The following IL1RAPL1 variants were observed in gnomAD, a reference collection of about 807,000 sequenced individuals.
The protein encoded by IL1RAPL1 is interleukin 1 receptor accessory protein like 1.
IL1RAPL1 carries 3 observed loss-of-function variants against 48.4 expected under a neutral mutation model. That is an observed-to-expected ratio of 0.06 (90% confidence interval 0.03 to 0.16). The LOEUF is 0.16. Ranked by LOEUF, IL1RAPL1 falls within the 10% of genes least tolerant of loss-of-function variation. The pLI is 1.00. For synonymous variants in IL1RAPL1, 185 were observed against 187.7 expected (o/e 0.99, Z 0.12); for missense variants, 349 against 530.6 (o/e 0.66, Z 3.36).
At chrX:29,823,509 A>G (rs994468754) in intron 6 of IL1RAPL1, among the ~76,000 whole-genome samples, 1 of 112,219 alleles carries the variant, frequency 8.9e-6, no homozygotes, top group Non-Finnish European at 1.9e-5. Context: ...AGACTAGACT[A>G]TTCACTTTGC....
intron 2 of IL1RAPL1, among the ~76,000 whole-genome samples, chrX:29,092,691 TA>T (rs892973843): frequency 2.7e-5 from 3 of 111,959 alleles, no homozygotes; most frequent in East Asian, 2.8e-4. Context: ...TCTTCAGGAT[TA>T]AAAAAATATA....
chrX:29,909,985 T>C (rs1932732875), intron 6 of IL1RAPL1, among the ~76,000 whole-genome samples: 1 of 111,374 alleles, frequency 9.0e-6, no homozygotes, highest in African/African-American at 3.3e-5. Flanking sequence ...CTATTCACAA[T>C]AGCAGACATG....
At chrX:29,800,555 C>T (rs1261858992) in intron 6 of IL1RAPL1, among the ~76,000 whole-genome samples, 1 of 110,148 alleles carries the variant, frequency 9.1e-6, no homozygotes, top group Non-Finnish European at 1.9e-5. Flanking sequence ...TATATATATG[C>T]AGAAAAGCAA....
intron 6 of IL1RAPL1, among the ~76,000 whole-genome samples, chrX:29,746,601 AG>A (rs1452879762): frequency 1.8e-5 from 2 of 111,207 alleles, no homozygotes; most frequent in African/African-American, 6.5e-5. Flanking sequence ...TGCAGGAAAA[AG>A]CTCATTCTTT....
chrX:28,748,531 C>T (rs1205953696), intron 1 of IL1RAPL1, among the ~76,000 whole-genome samples: 2 of 111,538 alleles, frequency 1.8e-5, no homozygotes, highest in African/African-American at 6.5e-5. Context: ...ATGGAACAAA[C>T]CTTTTCACAA....
At chrX:29,143,039 C>T (rs763631303) in intron 2 of IL1RAPL1, among the ~76,000 whole-genome samples, 1 of 110,832 alleles carries the variant, frequency 9.0e-6, no homozygotes, top group South Asian at 3.8e-4. Flanking sequence ...AGAAGAACTC[C>T]AATCTCTGGA....
At chrX:29,529,115 A>T (rs774762419) in intron 5 of IL1RAPL1, among the ~76,000 whole-genome samples, 1 of 111,537 alleles carries the variant, frequency 9.0e-6, no homozygotes, top group East Asian at 2.8e-4. Context: ...CTGTAGTTTT[A>T]AAAAAATTTC....
At chrX:28,613,599 T>G (rs765407207) in intron 1 of IL1RAPL1, among the ~76,000 whole-genome samples, 168 of 112,495 alleles carry the variant, frequency 1.5e-3, no homozygotes, top group Non-Finnish European at 1.7e-3. Flanking sequence ...AGCTCTGTAC[T>G]GAAGAGCCTT....
intron 5 of IL1RAPL1, among the ~76,000 whole-genome samples, chrX:29,639,743 T>C (rs1925107895): frequency 9.0e-6 from 1 of 110,803 alleles, no homozygotes; most frequent in South Asian, 3.9e-4. Flanking sequence ...CCACAGGGAC[T>C]GGCTGGTCAG....
At chrX:28,628,873 G>C (rs1375828791) in intron 1 of IL1RAPL1, among the ~76,000 whole-genome samples, 2 of 111,817 alleles carry the variant, frequency 1.8e-5, no homozygotes, top group Non-Finnish European at 3.8e-5. Context: ...TGATTAAGTT[G>C]CAGTTTAGCC....
intron 2 of IL1RAPL1, among the ~76,000 whole-genome samples, chrX:28,856,982 A>G (rs1008046684): frequency 2.7e-5 from 3 of 112,311 alleles, no homozygotes; most frequent in Non-Finnish European, 5.6e-5. Context: ...TATGAATGCA[A>G]AAGAAAAGTG....
chrX:29,271,729 T>G (rs1246099938), intron 2 of IL1RAPL1, among the ~76,000 whole-genome samples: 1 of 111,932 alleles, frequency 8.9e-6, no homozygotes, highest in African/African-American at 3.2e-5. Flanking sequence ...TTTTGCTTGT[T>G]AATTTGTTTA....
intron 5 of IL1RAPL1, among the ~76,000 whole-genome samples, chrX:29,495,598 A>G (rs571752552): frequency 1.8e-5 from 2 of 111,475 alleles, no homozygotes; most frequent in South Asian, 3.8e-4. Context: ...TGTGTTAGCG[A>G]TAAGGTGTGG....
At chrX:28,789,073 A>G (rs914454325) in intron 1 of IL1RAPL1, among the ~76,000 whole-genome samples, 1 of 111,943 alleles carries the variant, frequency 8.9e-6, no homozygotes, top group Non-Finnish European at 1.9e-5. Flanking sequence ...CAAAACCTCA[A>G]GTGAACATAA....
At chrX:29,809,530 G>A (rs972207631) in intron 6 of IL1RAPL1, among the ~76,000 whole-genome samples, 4 of 111,364 alleles carry the variant, frequency 3.6e-5, no homozygotes, top group African/African-American at 1.3e-4. Context: ...ATGTAAGTAC[G>A]TAGGAGACTT....
chrX:29,788,607 G>A (rs1929558532), intron 6 of IL1RAPL1, among the ~76,000 whole-genome samples: 1 of 111,803 alleles, frequency 8.9e-6, no homozygotes, highest in Non-Finnish European at 1.9e-5. Flanking sequence ...CCAAGTCAGT[G>A]TCATCCATCA....
intron 3 of IL1RAPL1, among the ~76,000 whole-genome samples, chrX:29,317,466 A>C (rs1023371051): frequency 8.9e-6 from 1 of 112,183 alleles, no homozygotes; most frequent in Admixed American, 9.5e-5. Flanking sequence ...AAATATTTTT[A>C]CACATAATGG....
At chrX:29,023,537 A>G (rs1057278597) in intron 2 of IL1RAPL1, among the ~76,000 whole-genome samples, 9 of 112,334 alleles carry the variant, frequency 8.0e-5, no homozygotes, top group East Asian at 5.6e-4. Context: ...ATTCAACTCT[A>G]TTTTTTCCCT....
chrX:29,468,506 G>A (rs1217739932), intron 5 of IL1RAPL1, among the ~76,000 whole-genome samples: 4 of 110,707 alleles, frequency 3.6e-5, no homozygotes, highest in African/African-American at 1.3e-4. Flanking sequence ...ATTACAGTAT[G>A]TTTTAGGGAA....
Sources: gnomAD v4.1 joint callset for allele counts (sites outside exome capture counted in the v4.1 genomes callset) on GRCh38, gnomAD v4.1.1 for gene constraint, MANE v1.5 for transcripts, NCBI Gene and HGNC (gene_info 2026-07-23, HGNC 2026-07-21) for gene names.